ANK3: variants seen among roughly 807,000 people sequenced by gnomAD.
ANK3 encodes ankyrin 3.
In ANK3, 57 loss-of-function variants were observed where a neutral mutation model predicts 370.9. That is an observed-to-expected ratio of 0.15 (90% CI 0.12 to 0.19). The LOEUF is 0.19. Among genes scored for constraint, ANK3 ranks in the 10% least tolerant of loss-of-function variants. The pLI is 1.00. For synonymous variants in ANK3, 1,929 were observed against 1,946.3 expected, an observed-to-expected ratio of 0.99 and a Z score of 0.23; for missense variants, 4,439 against 5,302.1, an observed-to-expected ratio of 0.84 and a Z score of 5.06.
At chr10:60,399,345 G>T (rs981253272) in intron 2 of ANK3, among the ~76,000 whole-genome samples, 7 of 152,126 alleles carry the variant, frequency 4.6e-5, no homozygotes, top group African/African-American at 1.2e-4. Flanking sequence ...TGTCCTTTAA[G>T]AAATGTAAGA....
chr10:60,639,686 C>T (rs1162242679), intron 1 of ANK3, among the ~76,000 whole-genome samples: 3 of 151,768 alleles, frequency 2.0e-5, no homozygotes, highest in Non-Finnish European at 4.4e-5. Flanking sequence ...AGACAAACCA[C>T]TAAAGTAAAT....
At chr10:60,654,945 G>A (rs1195704795) in intron 1 of ANK3, among the ~76,000 whole-genome samples, 1 of 152,056 alleles carries the variant, frequency 6.6e-6, no homozygotes, top group African/African-American at 2.4e-5. Flanking sequence ...AAGATTTTAA[G>A]GGAGCTGAAA....
intron 2 of ANK3, among the ~76,000 whole-genome samples, chr10:60,479,425 G>A (rs891432673): frequency 6.6e-6 from 1 of 152,012 alleles, no homozygotes; most frequent in East Asian, 1.9e-4. Context: ...TACCATCTGG[G>A]TGTGAATAAG....
At chr10:60,344,284 T>C (rs796219941) in intron 1 of ANK3, among the ~76,000 whole-genome samples, 32 of 152,266 alleles carry the variant, frequency 2.1e-4, no homozygotes, top group African/African-American at 7.5e-4. Context: ...TCCATATTAA[T>C]TCTTAATTCT....
rs545938239 is a variant in ANK3 at position 60,162,818 on chromosome 10, C to T, written c.2614+3773G>A. Among the ~76,000 whole-genome samples, 25 of 152,252 alleles carry T rather than the reference C, an allele frequency of 1.6e-4. No individual in the cohort carries two copies. In the South Asian group the frequency reaches 5.2e-3, roughly 32 times the overall value. On this transcript the variant is annotated intron_variant, in intron 23 of 43. Coordinates refer to ENST00000280772, the MANE Select transcript of ANK3 (RefSeq NM_020987.5). ...TTCAGTAGAGTCATATTTCATAGAG[C>T]TGCCTCTTAGATTTTTACTTTGCAT...
chr10:60,469,005 A>G lies in ANK3; in HGVS notation c.96+146181T>C, dbSNP rs1356183458. 3.0e-5 allele frequency among the ~76,000 whole-genome samples: 3 copies of G among 101,576 alleles called. 1 individual carries two copies. The highest frequency in any genetic ancestry group is 6.2e-5 in the Non-Finnish European group (3 of 48,248). The allele number at this position is 101,576 out of a possible 152,430, so 66.6% of individuals were successfully genotyped here. A position where few individuals can be genotyped will look rare whatever the true frequency, so the allele number is the denominator to read the frequency against. ...TATACCACTTTTAGTGTGTATATAT[A>G]TATATATATATATACCACTTTTAGT... On this transcript the variant is annotated intron_variant, in intron 2 of 43. Coordinates refer to the ANK3 transcript ENST00000373827.
intron 28 of ANK3, among the ~76,000 whole-genome samples, chr10:60,102,929 C>A (rs754625551): frequency 6.6e-6 from 1 of 151,876 alleles, no homozygotes. Flanking sequence ...GAAATTAATA[C>A]GTTATATTAA....
At chr10:60,468,885 C>A (rs1415090997) in intron 2 of ANK3, among the ~76,000 whole-genome samples, 2 of 148,896 alleles carry the variant, frequency 1.3e-5, no homozygotes, top group Admixed American at 1.4e-4. Context: ...TCTAATATTT[C>A]TTTGCGGTCA....
At chr10:60,043,776 T>A in intron 42 of ANK3, 2 of 985,274 alleles carry the variant, frequency 2.0e-6, no homozygotes, top group Non-Finnish European at 2.4e-6. Flanking sequence ...TGCTCTGAGG[T>A]TTGGTGGTGA....
chr10:60,448,925 C>G (rs1331616036), intron 2 of ANK3, among the ~76,000 whole-genome samples: 1 of 152,230 alleles, frequency 6.6e-6, no homozygotes, highest in Non-Finnish European at 1.5e-5. Context: ...GATGCCCGAC[C>G]TTTTCACAGG....
Position 60,109,125 on chromosome 10 carries a change from A to G in ANK3, c.2949-71T>C, listed in dbSNP as rs1565071393. ...GTGCTCACAGCAAGTTTGGAAATTA[A>G]ATGTTTAAGTTTATTTAAAGCGACA... On this transcript the variant is annotated intron_variant, in intron 26 of 43. Coordinates refer to ENST00000280772, the MANE Select transcript of ANK3 (RefSeq NM_020987.5). 13 of 1,241,538 alleles carry G rather than the reference A, an allele frequency of 1.0e-5. No individual in the cohort carries two copies. The South Asian group carries it at 1.4e-4, about 14-fold the overall frequency. The allele number at this position is 1,241,538 out of a possible 1,614,324, so 76.9% of individuals were successfully genotyped here. A position where few individuals can be genotyped will look rare whatever the true frequency, so the allele number is the denominator to read the frequency against.
chr10:60,438,201 G>C (rs1242156619), intron 2 of ANK3, among the ~76,000 whole-genome samples: 2 of 151,664 alleles, frequency 1.3e-5, no homozygotes, highest in African/African-American at 4.8e-5. Context: ...GGTTGCTCTT[G>C]CCCAAAGTTT....
In ANK3 at chr10:60,073,806, A is replaced by G; in HGVS notation, c.7075T>C (p.Tyr2359His). ...CGGGATAAGTCTTTCTGATATACAT[A>G]CATTTCTTTTTCTGGATGCTTTTTG... Reference protein sequence around the residue: ...ETKKHPEKEMYVYQKDLSRGD... With the variant: ...ETKKHPEKEMHVYQKDLSRGD... The change falls in exon 37 of 44, where the codon TAT becomes CAT. Residue 2359 changes from tyrosine to histidine, a missense_variant. Physicochemically the swap from Tyr to His is moderately conservative, Grantham distance 83. Transcript: ENST00000280772. 3 of 1,613,482 alleles carry G rather than the reference A, an allele frequency of 1.9e-6. No individual in the cohort carries two copies. Among genetic ancestry groups the G allele is most frequent in the Non-Finnish European group, 1.7e-6 (2 of 1,179,964 alleles).
intron 2 of ANK3, among the ~76,000 whole-genome samples, chr10:60,453,395 T>A (rs2064662133): frequency 6.6e-6 from 1 of 152,176 alleles, no homozygotes; most frequent in South Asian, 2.1e-4. Context: ...TAAGAATTCT[T>A]TGTTGAATTT....
chr10:60,716,717 T>C (rs1373965326), intron 1 of ANK3, among the ~76,000 whole-genome samples: 2 of 152,144 alleles, frequency 1.3e-5, no homozygotes, highest in African/African-American at 2.4e-5. Context: ...GGTCTTGCCA[T>C]GTTGCCCAGG....
rs550660094 is a variant in ANK3 at position 60,301,269 on chromosome 10, CAT to C, written c.115-21632_115-21631del. Among the ~76,000 whole-genome samples the C allele has an allele frequency of 6.3e-3, 938 of 148,328 alleles. 8 individuals are homozygous for C. Among genetic ancestry groups the C allele is most frequent in the African/African-American group, 0.022 (903 of 40,318 alleles). On this transcript the variant is annotated intron_variant, in intron 1 of 43. Transcript: ENST00000280772. ...ATATACACACACACATGCACGCACA[CAT>C]ATACACACGCACACATATACACACA...
intron 1 of ANK3, among the ~76,000 whole-genome samples, chr10:60,624,122 GT>G (rs2078376532): frequency 6.6e-6 from 1 of 151,930 alleles, no homozygotes. Context: ...TACCTGGATG[GT>G]GAAATACTCT....
chr10:60,101,704 C>A (rs1393339073), intron 28 of ANK3, among the ~76,000 whole-genome samples: 1 of 152,158 alleles, frequency 6.6e-6, no homozygotes, highest in Non-Finnish European at 1.5e-5. Context: ...GCTAATACAC[C>A]TACTTCGTTA....
chr10:60,473,520 T>A (rs1056974368), intron 2 of ANK3, among the ~76,000 whole-genome samples: 1 of 152,104 alleles, frequency 6.6e-6, no homozygotes, highest in Non-Finnish European at 1.5e-5. Flanking sequence ...ATAATGCGCA[T>A]CTCAAATGTG....
Sources: gnomAD v4.1 joint callset for allele counts (sites outside exome capture counted in the v4.1 genomes callset) on GRCh38, gnomAD v4.1.1 for gene constraint, MANE v1.5 for transcripts, NCBI Gene and HGNC (gene_info 2026-07-23, HGNC 2026-07-21) for gene names.